The following TMEM132C variants were observed in gnomAD, a reference collection of about 807,000 sequenced individuals.
TMEM132C encodes protein phosphatase 1, regulatory subunit 152.
In TMEM132C, 29 loss-of-function variants were observed where a neutral mutation model predicts 61.4. The observed-to-expected ratio is 0.47, with a 90% confidence interval of 0.35 to 0.64. The LOEUF (loss-of-function observed/expected upper bound fraction) is 0.64, where lower values mean the gene tolerates loss of function less well. Among genes scored for constraint, TMEM132C ranks in the 30% least tolerant of loss-of-function variants. TMEM132C has a pLI of 0.00. For missense variants in TMEM132C, 1,408 were observed against 1,476.9 expected, an observed-to-expected ratio of 0.95 and a Z score of 0.76; for synonymous variants, 656 against 633.1, an observed-to-expected ratio of 1.04 and a Z score of -0.54.
Position 128,295,649 on chromosome 12 carries a change from AAAAAAAG to A in TMEM132C, c.85+28166_85+28172del, listed in dbSNP as rs774637990. The stretch of plus-strand genomic sequence containing the variant: ...CCTTTTAAGTCCTTCAAAAAAAAAA[AAAAAAAG>A]AAAGAAAAAAGGGTGGGGTACAACC... On this transcript the variant is annotated intron_variant, in intron 1 of 8. Transcript: ENST00000435159. 8.0e-3 allele frequency among the ~76,000 whole-genome samples: 739 copies of A among 92,922 alleles called. 5 individuals carry two copies. The highest frequency in any genetic ancestry group is 0.036 in the South Asian group (74 of 2,054). The allele number at this position is 92,922 out of a possible 152,430, so 61.0% of individuals were successfully genotyped here.
rs1276052281 is a variant in TMEM132C at position 128,326,067 on chromosome 12, C to CGA, written c.85+58582_85+58583dup. Among the ~76,000 whole-genome samples, 1 of 151,978 alleles carries CGA rather than the reference C, an allele frequency of 6.6e-6. No homozygotes were observed. Among genetic ancestry groups the CGA allele is most frequent in the East Asian group, 1.9e-4 (1 of 5,186 alleles). ...AGTATTCACACAGTATTGGAATGAA[C>CGA]GAGTAAATGAATGAATGCATGCATT... is the stretch of plus-strand genomic sequence containing the variant. On this transcript the variant is annotated intron_variant, in intron 1 of 8. Coordinates refer to ENST00000435159, the MANE Select transcript of TMEM132C (RefSeq NM_001136103.3). The surrounding 1 kb of genome is among the most constrained non-coding windows in gnomAD (Gnocchi z 5.6).
intron 3 of TMEM132C, among the ~76,000 whole-genome samples, chr12:128,555,288 A>G (rs1874295495): frequency 6.6e-6 from 1 of 152,236 alleles, no homozygotes; most frequent in South Asian, 2.1e-4. Context: ...CTGGAACAGG[A>G]ACGTGCTCAT....
At position 128,701,621 on chromosome 12, in the gene TMEM132C, T is replaced by C. The variant is rs1261972615; in HGVS notation, c.2122-3469T>C. On this transcript the variant is annotated intron_variant, in intron 8 of 8. Coordinates refer to ENST00000435159, the MANE Select transcript of TMEM132C (RefSeq NM_001136103.3). ...CCCAGGCTACTCCAATTTTTCCTTC[T>C]GGAATTCCTACCAAACAAGCGTTGG... 3.9e-5 allele frequency among the ~76,000 whole-genome samples: 6 copies of C among 152,344 alleles called. No homozygotes were observed. The East Asian group carries it at 9.6e-4, about 24-fold the overall frequency.
At chr12:128,417,683 A>G in intron 2 of TMEM132C, among the ~76,000 whole-genome samples, 1 of 152,190 alleles carries the variant, frequency 6.6e-6, no homozygotes, top group Non-Finnish European at 1.5e-5. Context: ...ATTTATTTGC[A>G]GGGTGCTCAT....
At chr12:128,582,580 A>G (rs191944681) in intron 3 of TMEM132C, among the ~76,000 whole-genome samples, 1 of 152,216 alleles carries the variant, frequency 6.6e-6, no homozygotes, top group East Asian at 1.9e-4. Flanking sequence ...AGTTTCCCCC[A>G]TACTGTTCTC....
At chr12:128,478,839 C>G (rs2136089037) in intron 2 of TMEM132C, among the ~76,000 whole-genome samples, 1 of 152,334 alleles carries the variant, frequency 6.6e-6, no homozygotes, top group Admixed American at 6.5e-5. Context: ...CACGACAGCG[C>G]CTGCCTGTCA....
At chr12:128,397,818 C>T (rs1362382444) in intron 1 of TMEM132C, among the ~76,000 whole-genome samples, 1 of 152,184 alleles carries the variant, frequency 6.6e-6, no homozygotes, top group Non-Finnish European at 1.5e-5. Flanking sequence ...ATGCTGTCTT[C>T]TTCCCATCTG....
At chr12:128,336,199 C>A (rs747120512) in intron 1 of TMEM132C, among the ~76,000 whole-genome samples, 17 of 140,630 alleles carry the variant, frequency 1.2e-4, no homozygotes, top group Middle Eastern at 3.2e-3. Flanking sequence ...AAATAGAATT[C>A]TTCTTGAGTT....
At chr12:128,439,501 A>G (rs993861267) in intron 2 of TMEM132C, among the ~76,000 whole-genome samples, 2 of 152,230 alleles carry the variant, frequency 1.3e-5, no homozygotes, top group African/African-American at 4.8e-5. Context: ...TATCCAGGAA[A>G]AAGAAATTGC....
At chr12:128,578,916 A>C (rs12422359) in intron 3 of TMEM132C, among the ~76,000 whole-genome samples, 17,096 of 152,084 alleles carry the variant, frequency 0.11, 1,083 homozygotes, top group East Asian at 0.14. Flanking sequence ...TTTTTTTAGT[A>C]ATAGATAAAC....
rs549280639 is a variant in TMEM132C, at chr12:128,650,527, C to G, written c.1306-18890C>G. On this transcript the variant is annotated intron_variant, in intron 4 of 8. Transcript: ENST00000435159. ...TTGCTTGAGGCCAGGAGTTGGAGACCAGCCTGGGCAACATAGTGAGACCCC... is the reference window on the plus strand; with the variant it reads ...TTGCTTGAGGCCAGGAGTTGGAGACGAGCCTGGGCAACATAGTGAGACCCC... 9.9e-5 allele frequency among the ~76,000 whole-genome samples: 15 copies of G among 152,114 alleles called. No homozygotes were observed. The East Asian group carries it at 2.1e-3, about 22-fold the overall frequency.
intron 1 of TMEM132C, among the ~76,000 whole-genome samples, chr12:128,309,953 C>T (rs747578016): frequency 6.6e-6 from 1 of 152,160 alleles, no homozygotes; most frequent in Admixed American, 6.5e-5. Context: ...CCAGGCTGGT[C>T]TCAAACTCCT....
At chr12:128,697,126 C>T (rs1954771788) in intron 7 of TMEM132C, 98 bp from the exon 8 acceptor site, 3 of 1,123,872 alleles carry the variant, frequency 2.7e-6, no homozygotes, top group East Asian at 5.3e-5. Context: ...GTATTCTGGA[C>T]CTCAGGCCTG....
intron 3 of TMEM132C, among the ~76,000 whole-genome samples, chr12:128,589,222 CA>C (rs1875660048): frequency 6.6e-6 from 1 of 152,132 alleles, no homozygotes; most frequent in African/African-American, 2.4e-5. Context: ...GCACAAGGAA[CA>C]AGCGTTAGTG....
chr12:128,642,810 G>C (rs560139426), intron 4 of TMEM132C, among the ~76,000 whole-genome samples: 1 of 152,200 alleles, frequency 6.6e-6, no homozygotes, highest in South Asian at 2.1e-4. Context: ...GGCACAGAAC[G>C]GTTAAGTAAT....
intron 1 of TMEM132C, among the ~76,000 whole-genome samples, chr12:128,360,605 G>A (rs764303227): frequency 5.3e-4 from 80 of 152,216 alleles, no homozygotes; most frequent in Non-Finnish European, 3.5e-4. Flanking sequence ...CCATCATTCC[G>A]AGACAGGGGA....
Position 128,501,356 on chromosome 12 carries a change from T to C in TMEM132C, c.975-42601T>C, listed in dbSNP as rs887854867. Among the ~76,000 whole-genome samples, 9 of 152,352 alleles carry C rather than the reference T, an allele frequency of 5.9e-5. No individual in the cohort carries two copies. In the East Asian group the frequency reaches 1.5e-3, roughly 26 times the overall value. Reference sequence around the variant, plus strand: ...TGTCATTTAAACCTCATCATCACTTTAATGTTATCTTTCTTTCTCTTCTGC... The same window carrying C: ...TGTCATTTAAACCTCATCATCACTTCAATGTTATCTTTCTTTCTCTTCTGC... On this transcript the variant is annotated intron_variant, in intron 2 of 8. Coordinates refer to ENST00000435159, the MANE Select transcript of TMEM132C (RefSeq NM_001136103.3).
chr12:128,638,887 G>GTGGTGGTGATGGTGGTGATGGTGATGA (rs1565998995), intron 4 of TMEM132C, among the ~76,000 whole-genome samples: 14 of 69,842 alleles, frequency 2.0e-4, no homozygotes, highest in African/African-American at 5.4e-4. Flanking sequence ...GGTGATGATG[G>GTGGTGGTGATGGTGGTGATGGTGATGA]TGGTGGTGAT....
chr12:128,331,612 G>A (rs2135945272), intron 1 of TMEM132C, among the ~76,000 whole-genome samples: 2 of 152,208 alleles, frequency 1.3e-5, no homozygotes, highest in South Asian at 4.2e-4. Flanking sequence ...CTTTTTAATG[G>A]CTGAGTAGTA....
Sources: allele counts gnomAD v4.1 joint callset (sites outside exome capture counted in the v4.1 genomes callset), GRCh38; gene constraint gnomAD v4.1.1; non-coding constraint Gnocchi (gnomAD v3.1); transcripts MANE v1.5; gene names NCBI Gene and HGNC (gene_info 2026-07-23, HGNC 2026-07-21).